Variants in CLCC1 observed in about 807,000 individuals in gnomAD.
The protein encoded by CLCC1 is chloride channel CLIC-like protein 1.
In CLCC1, 39 loss-of-function variants were observed where a neutral mutation model predicts 63.3. The observed-to-expected ratio is 0.62, with a 90% CI of 0.48 to 0.81. CLCC1 has a LOEUF of 0.81. CLCC1 is among the 30% of genes least tolerant of loss of function. The probability of loss-of-function intolerance (pLI) is 0.00; values close to 1 mark genes in which losing one functional copy is unlikely to be tolerated. For missense variants in CLCC1, 549 were observed against 669.4 expected, an observed-to-expected ratio of 0.82 and a Z score of 1.98; for synonymous variants, 217 against 239.8, an observed-to-expected ratio of 0.90 and a Z score of 0.88.
At chr1:108,942,506 T>G (rs1211282821) in intron 7 of CLCC1, among the ~76,000 whole-genome samples, 1 of 152,206 alleles carries the variant, frequency 6.6e-6, no homozygotes, top group Non-Finnish European at 1.5e-5. Flanking sequence ...GATGAAATCA[T>G]TGAAAATACT....
intron 2 of CLCC1, among the ~76,000 whole-genome samples, chr1:108,957,747 T>C (rs943872866): frequency 2.0e-5 from 3 of 151,362 alleles, no homozygotes; most frequent in Non-Finnish European, 4.4e-5. Context: ...ATAGTAAATC[T>C]GAAGTGTCCA....
intron 11 of CLCC1, among the ~76,000 whole-genome samples, chr1:108,935,816 T>C (rs1273338323): frequency 6.6e-6 from 1 of 152,024 alleles, no homozygotes; most frequent in African/African-American, 2.4e-5. Flanking sequence ...GATTGATATA[T>C]AAATGAAGAC....
intron 2 of CLCC1, among the ~76,000 whole-genome samples, chr1:108,959,093 G>C (rs1022278386): frequency 2.5e-4 from 37 of 149,876 alleles, no homozygotes; most frequent in African/African-American, 8.8e-4. Flanking sequence ...AGAATCACTT[G>C]AACCCGGGAG....
chr1:108,933,620 TGTGAATATG>T (rs1301331585), intron 12 of CLCC1: 1 of 152,266 alleles, frequency 6.6e-6, no homozygotes, highest in Non-Finnish European at 1.5e-5. Flanking sequence ...TAACTTGTAG[TGTGAATATG>T]GTTAAAACAA....
chr1:108,935,004 A>C, intron 11 of CLCC1, 62 bp from the exon 12 acceptor site: 1 of 1,495,142 alleles, frequency 6.7e-7, no homozygotes, highest in Non-Finnish European at 9.0e-7. Flanking sequence ...GTAATCAAAC[A>C]TATCTAAAAA....
In CLCC1 at chr1:108,954,966, G is replaced by A. The variant is rs557183406; in HGVS notation, c.-11-4518C>T. Among the ~76,000 whole-genome samples the A allele has an allele frequency of 2.8e-4, 43 of 151,080 alleles. 2 individuals are homozygous for A. The highest frequency in any genetic ancestry group is 4.6e-4 in the Non-Finnish European group (31 of 67,996). ...CCTGCCTCACCCTCCCAAGTAGCTG[G>A]GATTATAGGCATGTGCCACCATACC... On this transcript the variant is annotated intron_variant, in intron 2 of 12. Transcript: ENST00000369969.
At chr1:108,943,647 C>T in intron 6 of CLCC1, 32 bp from the exon 7 acceptor site, 2 of 1,610,646 alleles carry the variant, frequency 1.2e-6, no homozygotes, top group Non-Finnish European at 1.7e-6. Context: ...AATCAGCCAC[C>T]AAAAACACTT....
chr1:108,939,574 G>C, intron 10 of CLCC1, 62 bp downstream of exon 10: 1 of 1,492,856 alleles, frequency 6.7e-7, no homozygotes. Context: ...CTCCCAAAGT[G>C]CTGGGATTAC....
chr1:108,939,913 G>C, intron 9 of CLCC1, 131 bp from the exon 10 acceptor site: 1 of 1,277,916 alleles, frequency 7.8e-7, no homozygotes, highest in Non-Finnish European at 1.1e-6. Context: ...TTTTTAATGT[G>C]AAAATCACTG....
chr1:108,930,679 G>C lies in CLCC1; in HGVS notation c.*1868C>G, dbSNP rs374681264. 1.3e-5 allele frequency: 2 copies of C among 151,912 alleles called. No individual in the cohort carries two copies. Among genetic ancestry groups the C allele is most frequent in the Admixed American group, 1.3e-4 (2 of 15,230 alleles). 9.4% of individuals were successfully genotyped at this position (151,912 alleles called of 1,614,324 possible). ...CGAAGCGGGCGGATCACTTGAGGTC[G>C]GGAGTTTGAGACCAGCCTGGCCAAC... is the stretch of plus-strand genomic sequence containing the variant. On this transcript the variant is annotated 3_prime_UTR_variant, in exon 13 of 13. Transcript: ENST00000369969.
At position 108,949,822 on chromosome 1, in the gene CLCC1, T is replaced by C; in HGVS notation, c.229A>G (p.Lys77Glu). The C allele has an allele frequency of 6.5e-7, 1 of 1,534,276 alleles. No homozygotes were observed. The highest frequency in any genetic ancestry group is 8.9e-7 in the Non-Finnish European group (1 of 1,129,908). Reference sequence around the variant, plus strand: ...AATTTATCAATAAAAAAACTAACCTTATAAGTTAAAGAATCAAGTTTGTGA... The same window carrying C: ...AATTTATCAATAAAAAAACTAACCTCATAAGTTAAAGAATCAAGTTTGTGA... The part of the protein sequence containing the change: ...CYHKLDSLTY[K>E]IDECEKKKRE... Residue 77 changes from lysine to glutamate, a missense_variant and splice_region_variant, in exon 4 of 13, where the codon AAG becomes GAG. By Grantham distance (56) the Lys-to-Glu change is moderately conservative (BLOSUM62 1). Coordinates refer to ENST00000369969, the MANE Select transcript of CLCC1 (RefSeq NM_001377458.1).
At chr1:108,939,455 C>T (rs1046007726) in intron 10 of CLCC1, among the ~76,000 whole-genome samples, 181 bp downstream of exon 10, 4 of 151,114 alleles carry the variant, frequency 2.6e-5, no homozygotes, top group South Asian at 2.1e-4. Context: ...TACAGGCGCC[C>T]GCCACCACGC....
intron 2 of CLCC1, among the ~76,000 whole-genome samples, chr1:108,958,507 T>C (rs1656209468): frequency 6.6e-6 from 1 of 151,480 alleles, no homozygotes; most frequent in Non-Finnish European, 1.5e-5. Context: ...TAAAGCACAG[T>C]AGTAACGATG....
chr1:108,959,638 T>C (rs372147557), intron 2 of CLCC1, among the ~76,000 whole-genome samples: 80 of 152,228 alleles, frequency 5.3e-4, no homozygotes, highest in African/African-American at 1.8e-3. Flanking sequence ...GGAAATAACA[T>C]AGAATATATA....
At chr1:108,948,231 TA>T (rs1654784053) in intron 4 of CLCC1, among the ~76,000 whole-genome samples, 1 of 151,764 alleles carries the variant, frequency 6.6e-6, no homozygotes, top group Non-Finnish European at 1.5e-5. Flanking sequence ...ATTAATGTTT[TA>T]ATCAGCAATT....
At chr1:108,942,672 A>C (rs1211333217) in intron 7 of CLCC1, among the ~76,000 whole-genome samples, 1 of 152,232 alleles carries the variant, frequency 6.6e-6, no homozygotes, top group Non-Finnish European at 1.5e-5. Flanking sequence ...AAAATCTAGA[A>C]AGAAATACCT....
chr1:108,935,270 T>C (rs189833758), intron 11 of CLCC1, among the ~76,000 whole-genome samples: 18 of 152,358 alleles, frequency 1.2e-4, no homozygotes, highest in Admixed American at 1.1e-3. Context: ...CTTGAGCATA[T>C]ATTAAGTTCT....
Position 108,929,697 on chromosome 1 carries a change from C to A in CLCC1, c.*2850G>T. 1.9e-6 allele frequency: 3 copies of A among 1,612,876 alleles called. No homozygotes were observed. The South Asian group carries it at 3.3e-5, about 18-fold the overall frequency. ...GTCTTTTAATCTCTCTCATAAACTTCTAGGGATCCAGATTAGATGATCAAA... is the reference window on the plus strand; with the variant it reads ...GTCTTTTAATCTCTCTCATAAACTTATAGGGATCCAGATTAGATGATCAAA... On this transcript the variant is annotated 3_prime_UTR_variant, in exon 13 of 13. Coordinates refer to ENST00000369969, the MANE Select transcript of CLCC1 (RefSeq NM_001377458.1).
chr1:108,957,457 T>C (rs1656063358), intron 2 of CLCC1, among the ~76,000 whole-genome samples: 1 of 151,514 alleles, frequency 6.6e-6, no homozygotes, highest in African/African-American at 2.5e-5. Flanking sequence ...AATGACCACC[T>C]GGAAGGCCAC....
Sources: allele counts gnomAD v4.1 joint callset (sites outside exome capture counted in the v4.1 genomes callset), GRCh38; gene constraint gnomAD v4.1.1; transcripts MANE v1.5; gene names NCBI Gene and HGNC (gene_info 2026-07-23, HGNC 2026-07-21).